The following LIMS2 variants were observed in gnomAD, a reference collection of about 807,000 sequenced individuals.
LIMS2 encodes LIM zinc finger domain containing 2, also known as LIM and senescent cell antigen-like-containing domain protein 2.
In LIMS2, 30 loss-of-function variants were observed where a neutral mutation model predicts 45.3. The ratio of observed to expected loss-of-function variants is 0.66; its 90% CI spans 0.50 to 0.90. The LOEUF is 0.90. Ranked by LOEUF, LIMS2 falls within the 40% of genes least tolerant of loss-of-function variation. LIMS2 has a pLI of 0.00. For synonymous variants in LIMS2, 173 were observed against 188.0 expected, an observed-to-expected ratio of 0.92 and a Z score of 0.65; for missense variants, 485 against 468.7, an observed-to-expected ratio of 1.03 and a Z score of -0.32.
chr2:127,649,781 C>A (rs1683512856), intron 4 of LIMS2, among the ~76,000 whole-genome samples: 1 of 152,252 alleles, frequency 6.6e-6, no homozygotes. Flanking sequence ...GGGCTCTGCA[C>A]TTGGCCTTCA....
At chr2:127,656,539 G>A (rs11683098) in intron 2 of LIMS2, among the ~76,000 whole-genome samples, 14,879 of 151,116 alleles carry the variant, frequency 0.098, 902 homozygotes, top group South Asian at 0.28. Flanking sequence ...TCAGCCTCCC[G>A]AGTAGCTGGG....
chr2:127,646,492 A>C (rs1417146576), intron 4 of LIMS2: 1 of 152,300 alleles, frequency 6.6e-6, no homozygotes. Flanking sequence ...CTGCAATGAC[A>C]GCACCGCTGC....
chr2:127,655,265 G>A (rs540653089), intron 2 of LIMS2: 97 of 327,866 alleles, frequency 3.0e-4, no homozygotes, highest in South Asian at 5.2e-4. Context: ...GTCCTATTTC[G>A]TATACCTTCT....
intron 4 of LIMS2, chr2:127,646,458 G>T: frequency 6.6e-6 from 1 of 152,456 alleles, no homozygotes; most frequent in Non-Finnish European, 1.5e-5. Context: ...TTGCAGAGGG[G>T]AAGTGGCTTG....
rs1211575568 is a variant in LIMS2, at chr2:127,647,058, G to A, written c.360-3986C>T. Among the ~76,000 whole-genome samples the A allele has an allele frequency of 1.3e-5, 2 of 151,912 alleles. No individual in the cohort carries two copies. Among genetic ancestry groups the A allele is most frequent in the African/African-American group, 2.4e-5 (1 of 41,392 alleles). On this transcript the variant is annotated intron_variant, in intron 4 of 9. Transcript: ENST00000355119. This position sits in a 1 kb window ranked among gnomAD's most constrained non-coding sequence, Gnocchi z 4.3. Reference sequence around the variant, plus strand: ...GGGCAGTGCCCAGGCTGAGGCCCCCGGGCTGGAGGCAGGAGGCACCACAGG... The same window carrying A: ...GGGCAGTGCCCAGGCTGAGGCCCCCAGGCTGGAGGCAGGAGGCACCACAGG...
At position 127,662,474 on chromosome 2, in the gene LIMS2, C is replaced by T. The variant is rs559750989; in HGVS notation, c.12-4912G>A. Among the ~76,000 whole-genome samples, 28 of 152,112 alleles carry T rather than the reference C, an allele frequency of 1.8e-4. No homozygotes were observed. In the South Asian group the frequency reaches 3.9e-3, roughly 21 times the overall value. On this transcript the variant is annotated intron_variant, in intron 1 of 9. Transcript: ENST00000355119. Reference sequence around the variant, plus strand: ...CAGCCAGAGGCCAGTGTCGGGTCACCTGGCCACATGAGGTCAACAAAAATG... The same window carrying T: ...CAGCCAGAGGCCAGTGTCGGGTCACTTGGCCACATGAGGTCAACAAAAATG...
At chr2:127,643,133 A>G in intron 4 of LIMS2, 61 bp from the exon 5 acceptor site, 1 of 1,505,540 alleles carries the variant, frequency 6.6e-7, no homozygotes. Flanking sequence ...GGCCACCTCC[A>G]GGAGAAGAGA....
In LIMS2 at chr2:127,640,259, C is replaced by T; in HGVS notation, c.802+11G>A. ...AGCAGGTGGGGTGGGGGAGGGAACA[C>T]AGGGCCTCACCATCGCCTTCAATCA... On this transcript the variant is annotated intron_variant, in intron 8 of 9. Coordinates refer to ENST00000355119, the MANE Select transcript of LIMS2 (RefSeq NM_001161403.3). 2 of 1,613,290 alleles carry T rather than the reference C, an allele frequency of 1.2e-6. No homozygotes were observed. Among genetic ancestry groups the T allele is most frequent in the Non-Finnish European group, 1.7e-6 (2 of 1,179,954 alleles).
chr2:127,679,755 CG>C (rs1397885577), upstream of LIMS2, among the ~76,000 whole-genome samples: 28 of 152,240 alleles, frequency 1.8e-4, no homozygotes, highest in Middle Eastern at 0.014. This position sits in a 1 kb window ranked among gnomAD's most constrained non-coding sequence, Gnocchi z 5.3. Context: ...GAGGAGAACC[CG>C]GGGTCTCAAA....
Position 127,638,988 on chromosome 2 carries a change from C to G in LIMS2, c.*293G>C. On this transcript the variant is annotated 3_prime_UTR_variant, in exon 10 of 10. Transcript: ENST00000355119. ...GAGCTGTGGTGCAATTTGCTCCTGT[C>G]CCTGGAGGTCTGTGGGCGGAAGCTG... The G allele has an allele frequency of 2.5e-6, 1 of 405,872 alleles. No homozygotes were observed. The highest frequency in any genetic ancestry group is 4.5e-6 in the Non-Finnish European group (1 of 222,696). 25.1% of individuals were successfully genotyped at this position (405,872 alleles called of 1,614,324 possible).
At position 127,639,428 on chromosome 2, in the gene LIMS2, C is replaced by T. The variant is rs771686218; in HGVS notation, c.879G>A (p.Lys293=). 1 of 1,613,582 alleles carries T rather than the reference C, an allele frequency of 6.2e-7. No homozygotes were observed. Among genetic ancestry groups the T allele is most frequent in the South Asian group, 1.1e-5 (1 of 91,070 alleles). ...TCATGTCGAACTCCACAAACTTGTT[C>T]CTGAGGAGGAAGCTGAGCTGTCAGC... ...CSTCNSKLTL[K]NKFVEFDMKP... Residue 293 remains lysine (K), a splice_region_variant and synonymous_variant, in exon 10 of 10, where the codon AAG becomes AAA. Transcript: ENST00000355119.
chr2:127,654,995 G>T, intron 2 of LIMS2, 99 bp from the exon 3 acceptor site: 1 of 1,114,130 alleles, frequency 9.0e-7, no homozygotes, highest in Non-Finnish European at 1.3e-6. Flanking sequence ...AGGGGATGAG[G>T]CACTGAGGCA....
chr2:127,669,242 G>C (rs1358073828), intron 1 of LIMS2, among the ~76,000 whole-genome samples: 1 of 152,096 alleles, frequency 6.6e-6, no homozygotes, highest in East Asian at 1.9e-4. Context: ...ACTCCTAGAA[G>C]AAAACAGATG....
chr2:127,669,252 G>A (rs528228194), intron 1 of LIMS2, among the ~76,000 whole-genome samples: 27 of 152,208 alleles, frequency 1.8e-4, no homozygotes, highest in Admixed American at 1.8e-3. Flanking sequence ...GAAAACAGAT[G>A]TTTTCATTTC....
upstream of LIMS2, among the ~76,000 whole-genome samples, chr2:127,675,829 G>T (rs557386700): frequency 6.6e-6 from 1 of 152,218 alleles, no homozygotes; most frequent in Non-Finnish European, 1.5e-5. Context: ...GGCTAAAGCC[G>T]AGAGGCGTCC....
intron 4 of LIMS2, chr2:127,650,946 A>G (rs1324092251): frequency 1.2e-6 from 2 of 1,613,876 alleles, no homozygotes; most frequent in Non-Finnish European, 1.7e-6. Flanking sequence ...CGTGTTCCTG[A>G]TGCATCTGGC....
chr2:127,678,426 T>G (rs985047330), upstream of LIMS2, among the ~76,000 whole-genome samples: 6 of 152,096 alleles, frequency 3.9e-5, no homozygotes, highest in African/African-American at 1.4e-4. This position sits in a 1 kb window ranked among gnomAD's most constrained non-coding sequence, Gnocchi z 5.3. Flanking sequence ...AACTTTTTCA[T>G]AGCAAAAGGG....
chr2:127,652,778 C>T lies in LIMS2; in HGVS notation c.359+1646G>A, dbSNP rs1251373853. The T allele has an allele frequency of 3.3e-5, 5 of 152,232 alleles. No homozygotes were observed. The East Asian group carries it at 9.6e-4, about 29-fold the overall frequency. The allele number at this position is 152,232 out of a possible 1,614,324, so 9.4% of individuals were successfully genotyped here. On this transcript the variant is annotated intron_variant, in intron 4 of 9. Transcript: ENST00000355119. ...CTCTGGCAGCTCACAGCACATCTGC[C>T]CAGATTCTGAGGTTCTGCACTGTGG...
intron 4 of LIMS2, among the ~76,000 whole-genome samples, chr2:127,652,886 CAT>C (rs1683948683): frequency 6.6e-6 from 1 of 152,240 alleles, no homozygotes; most frequent in African/African-American, 2.4e-5. Flanking sequence ...GCTTTTGTAG[CAT>C]GTTTGACTTT....
Sources: allele counts gnomAD v4.1 joint callset (sites outside exome capture counted in the v4.1 genomes callset), GRCh38; gene constraint gnomAD v4.1.1; non-coding constraint Gnocchi (gnomAD v3.1); transcripts MANE v1.5; gene names NCBI Gene and HGNC (gene_info 2026-07-23, HGNC 2026-07-21).